WHRN: variants seen among roughly 807,000 people sequenced by gnomAD.
The protein encoded by WHRN is CASK-interacting protein CIP98.
A neutral mutation model predicts 68.3 loss-of-function variants in WHRN; 41 were observed. That is an observed-to-expected ratio of 0.60 (90% CI 0.47 to 0.78). The LOEUF is 0.78. WHRN is among the 30% of genes least tolerant of loss of function. The pLI is 0.00. For synonymous variants in WHRN, 560 were observed against 561.3 expected, an observed-to-expected ratio of 1.00 and a Z score of 0.03; for missense variants, 1,243 against 1,244.7, an observed-to-expected ratio of 1.00 and a Z score of 0.02.
At chr9:114,437,497 C>G (rs1005274990) in intron 3 of WHRN, among the ~76,000 whole-genome samples, 9 of 152,112 alleles carry the variant, frequency 5.9e-5, no homozygotes, top group South Asian at 4.1e-4. Flanking sequence ...TGTGTCCCCC[C>G]CCAAATTCCT....
intron 1 of WHRN, among the ~76,000 whole-genome samples, chr9:114,487,387 A>G (rs975028367): frequency 6.6e-6 from 1 of 152,050 alleles, no homozygotes; most frequent in Non-Finnish European, 1.5e-5. Context: ...ACATAAATCA[A>G]CTCACAACTG....
chr9:114,478,457 G>A (rs763696596), intron 2 of WHRN, 96 bp downstream of exon 2: 5 of 1,350,338 alleles, frequency 3.7e-6, no homozygotes. Flanking sequence ...GACAGAACCA[G>A]CCTCTTCTTG....
chr9:114,447,422 T>C (rs1232175318), intron 3 of WHRN, among the ~76,000 whole-genome samples: 2 of 152,184 alleles, frequency 1.3e-5, no homozygotes, highest in Non-Finnish European at 2.9e-5. Flanking sequence ...AGGACTGATA[T>C]ATACAAAGTG....
Position 114,443,245 on chromosome 9 carries a change from C to A in WHRN, c.964-16832G>T, listed in dbSNP as rs528815560. Among the ~76,000 whole-genome samples the A allele has an allele frequency of 2.8e-4, 42 of 152,354 alleles. 1 individual carries two copies. Among genetic ancestry groups the A allele is most frequent in the African/African-American group, 8.7e-4 (36 of 41,590 alleles). On this transcript the variant is annotated intron_variant, in intron 3 of 11. Transcript: ENST00000362057. ...GAGTATTCTACACTGCTGGACCAAT[C>A]ACCACAAACTCAGTGGTTTAAAACA...
intron 3 of WHRN, among the ~76,000 whole-genome samples, chr9:114,456,203 G>C (rs1839780286): frequency 6.6e-6 from 1 of 151,526 alleles, no homozygotes; most frequent in Non-Finnish European, 1.5e-5. Context: ...GAATTGCAGT[G>C]GTGGATGCAT....
intron 4 of WHRN, 171 bp downstream of exon 4, chr9:114,426,040 C>A: frequency 3.8e-6 from 3 of 782,140 alleles, no homozygotes; most frequent in Non-Finnish European, 6.4e-6. Flanking sequence ...GAAACTGAGG[C>A]CAAGAGAGGA....
chr9:114,489,528 A>G (rs925640558), intron 1 of WHRN, among the ~76,000 whole-genome samples: 9 of 151,848 alleles, frequency 5.9e-5, no homozygotes, highest in African/African-American at 2.2e-4. Context: ...ACACACACAC[A>G]CACACACACT....
At chr9:114,412,818 C>G (rs1013037855) in intron 7 of WHRN, among the ~76,000 whole-genome samples, 8 of 152,156 alleles carry the variant, frequency 5.3e-5, no homozygotes, top group Non-Finnish European at 1.0e-4. Context: ...AGGTAAGGCT[C>G]CCCTGCATGA....
Position 114,456,366 on chromosome 9 carries a change from C to T in WHRN, c.963+9901G>A, listed in dbSNP as rs565912572. On this transcript the variant is annotated intron_variant, in intron 3 of 11. Transcript: ENST00000362057. ...ACTGAGATGAATGAAGACAGCAGAACTCTTACAAATGATTTCCATAACCAC... is the reference window on the plus strand; with the variant it reads ...ACTGAGATGAATGAAGACAGCAGAATTCTTACAAATGATTTCCATAACCAC... Among the ~76,000 whole-genome samples the T allele has an allele frequency of 2.6e-4, 39 of 151,442 alleles. No homozygotes were observed. The South Asian group carries it at 8.2e-3, about 32-fold the overall frequency.
intron 3 of WHRN, among the ~76,000 whole-genome samples, chr9:114,443,846 A>C (rs1006484370): frequency 6.6e-6 from 1 of 152,026 alleles, no homozygotes; most frequent in Non-Finnish European, 1.5e-5. Flanking sequence ...AAGGAAAGAC[A>C]GGTTTAATGG....
chr9:114,403,426 G>A, intron 10 of WHRN, 87 bp from the exon 11 acceptor site: 2 of 1,559,898 alleles, frequency 1.3e-6, no homozygotes. Flanking sequence ...CACCACCCTG[G>A]GTCAGCAGAG....
chr9:114,408,608 G>A (rs10759696), intron 7 of WHRN, among the ~76,000 whole-genome samples: 62,968 of 152,158 alleles, frequency 0.41, 14,059 homozygotes, highest in Middle Eastern at 0.52. Context: ...CCGTCTATGG[G>A]GGGCCCATCG....
chr9:114,415,378 C>A (rs990477304), intron 7 of WHRN, among the ~76,000 whole-genome samples: 1 of 152,070 alleles, frequency 6.6e-6, no homozygotes, highest in African/African-American at 2.4e-5. Context: ...CGCTCCTGAC[C>A]CTCGCCCCTC....
chr9:114,464,990 G>A (rs1470861459), intron 3 of WHRN, among the ~76,000 whole-genome samples: 1 of 152,148 alleles, frequency 6.6e-6, no homozygotes, highest in Non-Finnish European at 1.5e-5. Flanking sequence ...ATGCCAGCAG[G>A]TTCAGTGTTT....
rs550154172 is a variant in WHRN, at chr9:114,504,327, C to T, written c.475G>A (p.Gly159Ser). 3 of 1,611,204 alleles carry T rather than the reference C, an allele frequency of 1.9e-6. No individual in the cohort carries two copies. The highest frequency in any genetic ancestry group is 2.5e-6 in the Non-Finnish European group (3 of 1,180,024). The change falls in exon 1 of 12, where the codon GGC (glycine) becomes AGC (serine). Residue 159 changes from glycine (G) to serine (S), a missense_variant. Coordinates refer to ENST00000362057, the MANE Select transcript of WHRN (RefSeq NM_015404.4). ...HEGLGFSIRG[G>S]SEHGVGIYVS... ...TAGATGCCCACGCCGTGCTCCGAGCCCCCACGGATGCTGAAGCCCAAGCCC... is the reference window on the plus strand; with the variant it reads ...TAGATGCCCACGCCGTGCTCCGAGCTCCCACGGATGCTGAAGCCCAAGCCC...
chr9:114,436,546 T>C (rs1261487254), intron 3 of WHRN, among the ~76,000 whole-genome samples: 1 of 152,082 alleles, frequency 6.6e-6, no homozygotes, highest in Admixed American at 6.5e-5. Context: ...ATAAATCTAT[T>C]GGTCCGGCGC....
chr9:114,462,849 G>C (rs1444994845), intron 3 of WHRN, among the ~76,000 whole-genome samples: 1 of 152,140 alleles, frequency 6.6e-6, no homozygotes, highest in Non-Finnish European at 1.5e-5. Context: ...GAAGTATTTA[G>C]CTCAGTATGT....
chr9:114,431,529 G>A (rs1726854861), intron 3 of WHRN, among the ~76,000 whole-genome samples: 1 of 152,202 alleles, frequency 6.6e-6, no homozygotes, highest in African/African-American at 2.4e-5. Flanking sequence ...AGATGCTTAG[G>A]AAATAGTGAA....
intron 3 of WHRN, among the ~76,000 whole-genome samples, chr9:114,461,988 T>C (rs1840283986): frequency 6.6e-6 from 1 of 152,160 alleles, no homozygotes; most frequent in African/African-American, 2.4e-5. Context: ...ACAGACTAAA[T>C]GGAAAGAGGA....
Sources: allele counts gnomAD v4.1 joint callset (sites outside exome capture counted in the v4.1 genomes callset), GRCh38; gene constraint gnomAD v4.1.1; transcripts MANE v1.5; gene names NCBI Gene and HGNC (gene_info 2026-07-23, HGNC 2026-07-21).